Variants in RCAN1 observed in about 807,000 individuals in gnomAD.
RCAN1 encodes the protein calcipressin-1.
Under a neutral mutation model 22.9 loss-of-function variants are expected in RCAN1, and 11 were observed. The ratio of observed to expected loss-of-function variants is 0.48; its 90% CI spans 0.30 to 0.79. The LOEUF (loss-of-function observed/expected upper bound fraction) is 0.79. Ranked by LOEUF, RCAN1 falls within the 30% of genes least tolerant of loss-of-function variation. The pLI, the probability that RCAN1 is intolerant of heterozygous loss-of-function variation, is 0.06. For synonymous variants in RCAN1, 136 were observed against 142.3 expected (o/e 0.96, Z 0.32); for missense variants, 291 against 337.8 (o/e 0.86, Z 1.09).
chr21:34,562,317 C>T (rs1251531575), intron 1 of RCAN1, among the ~76,000 whole-genome samples: 1 of 142,864 alleles, frequency 7.0e-6, no homozygotes, highest in Non-Finnish European at 1.5e-5. Flanking sequence ...CCATGACTTC[C>T]CCGAATATTC....
At chr21:34,606,056 A>G (rs900452552) in intron 1 of RCAN1, among the ~76,000 whole-genome samples, 1 of 152,108 alleles carries the variant, frequency 6.6e-6, no homozygotes, top group Non-Finnish European at 1.5e-5. Flanking sequence ...TTCCTCCTCT[A>G]TAGAATGGGG....
chr21:34,596,757 A>C (rs976981459), intron 1 of RCAN1, among the ~76,000 whole-genome samples: 1 of 152,180 alleles, frequency 6.6e-6, no homozygotes, highest in African/African-American at 2.4e-5. Flanking sequence ...AGGGCCGAGG[A>C]CTTTGCCTCC....
intron 1 of RCAN1, among the ~76,000 whole-genome samples, chr21:34,569,769 C>T (rs1446162640): frequency 1.3e-5 from 2 of 152,216 alleles, no homozygotes; most frequent in East Asian, 1.9e-4. Flanking sequence ...CTTATCTTGG[C>T]TCTGAGGTAG....
chr21:34,611,822 A>G (rs907147971), intron 1 of RCAN1, among the ~76,000 whole-genome samples: 5 of 152,240 alleles, frequency 3.3e-5, no homozygotes, highest in African/African-American at 9.6e-5. Flanking sequence ...GGTTTCAGCT[A>G]AATGAGAAAT....
intron 1 of RCAN1, among the ~76,000 whole-genome samples, chr21:34,530,114 AT>A (rs1306548558): frequency 1.3e-5 from 2 of 152,320 alleles, no homozygotes; most frequent in East Asian, 3.9e-4. Context: ...ATATAGTCTC[AT>A]TAGAGCTCTT....
At chr21:34,571,734 T>C (rs1221443937) in intron 1 of RCAN1, among the ~76,000 whole-genome samples, 2 of 152,068 alleles carry the variant, frequency 1.3e-5, no homozygotes, top group African/African-American at 4.8e-5. Context: ...TTTTTGTGAA[T>C]ATGGGGTTTC....
intron 1 of RCAN1, chr21:34,525,081 T>C: frequency 6.4e-7 from 1 of 1,550,552 alleles, no homozygotes; most frequent in South Asian, 1.2e-5. Context: ...CAGAGCTCAC[T>C]GAGGACCTTG....
intron 1 of RCAN1, among the ~76,000 whole-genome samples, chr21:34,547,940 C>G (rs1412775811): frequency 1.3e-5 from 2 of 152,094 alleles, no homozygotes; most frequent in South Asian, 2.1e-4. Flanking sequence ...GGAGGTGAGG[C>G]CTTTAGGAGG....
At chr21:34,524,849 T>C (rs1331057751) in intron 1 of RCAN1, among the ~76,000 whole-genome samples, 1 of 152,072 alleles carries the variant, frequency 6.6e-6, no homozygotes, top group Non-Finnish European at 1.5e-5. Context: ...TGGCTGTCGG[T>C]GGGGGCAGCT....
At chr21:34,570,091 G>T (rs991329363) in intron 1 of RCAN1, among the ~76,000 whole-genome samples, 1 of 152,218 alleles carries the variant, frequency 6.6e-6, no homozygotes, top group East Asian at 1.9e-4. Flanking sequence ...AGCTCCCTGG[G>T]GTAGCTGAAG....
intron 1 of RCAN1, among the ~76,000 whole-genome samples, chr21:34,548,870 T>G (rs1169628763): frequency 1.3e-5 from 2 of 152,258 alleles, no homozygotes; most frequent in South Asian, 2.1e-4. Flanking sequence ...CAAAGGACTA[T>G]GCCAGAATAT....
chr21:34,577,284 T>C (rs1395937005), intron 1 of RCAN1, among the ~76,000 whole-genome samples: 3 of 152,162 alleles, frequency 2.0e-5, no homozygotes, highest in South Asian at 2.1e-4. Flanking sequence ...AGTGAGATGA[T>C]GACATACATA....
chr21:34,581,621 G>A (rs1487829467), intron 1 of RCAN1, among the ~76,000 whole-genome samples: 1 of 152,126 alleles, frequency 6.6e-6, no homozygotes. Flanking sequence ...ATCATTCCCA[G>A]GGTCAATGCC....
intron 1 of RCAN1, among the ~76,000 whole-genome samples, chr21:34,551,218 A>T (rs1264327513): frequency 1.3e-5 from 2 of 152,222 alleles, no homozygotes; most frequent in Admixed American, 6.5e-5. Context: ...ACTATTTTTA[A>T]TCTTATGTCC....
At chr21:34,538,742 G>A (rs571151340) in intron 1 of RCAN1, among the ~76,000 whole-genome samples, 5 of 152,296 alleles carry the variant, frequency 3.3e-5, no homozygotes, top group African/African-American at 1.2e-4. Context: ...TTCTGGGAAG[G>A]GGCTACCCTG....
chr21:34,521,392 C>T (rs111863131), intron 3 of RCAN1, 107 bp downstream of exon 3: 31 of 1,581,030 alleles, frequency 2.0e-5, no homozygotes, highest in South Asian at 9.1e-5. Context: ...CAAAACATGC[C>T]GGCATGGGCT....
At chr21:34,610,261 A>G (rs146940685) in intron 1 of RCAN1, among the ~76,000 whole-genome samples, 1 of 152,188 alleles carries the variant, frequency 6.6e-6, no homozygotes, top group Non-Finnish European at 1.5e-5. Context: ...CAATCATCAA[A>G]TTGCTTTCGA....
intron 1 of RCAN1, among the ~76,000 whole-genome samples, chr21:34,546,551 G>A (rs756414153): frequency 6.6e-6 from 1 of 152,194 alleles, no homozygotes; most frequent in Non-Finnish European, 1.5e-5. Context: ...AAAGAAGACA[G>A]CACAAACATG....
chr21:34,533,000 G>T (rs570714457), intron 1 of RCAN1, among the ~76,000 whole-genome samples: 3 of 147,154 alleles, frequency 2.0e-5, no homozygotes, highest in Admixed American at 1.4e-4. Context: ...TTGCTCTGTC[G>T]CCCAGGCTGG....
Sources: gnomAD v4.1 joint callset for allele counts (sites outside exome capture counted in the v4.1 genomes callset) on GRCh38, gnomAD v4.1.1 for gene constraint, MANE v1.5 for transcripts, NCBI Gene and HGNC (gene_info 2026-07-23, HGNC 2026-07-21) for gene names.